Variants in NLGN1 observed in about 807,000 individuals in gnomAD.
NLGN1 encodes the protein neuroligin-1.
NLGN1 carries 12 observed loss-of-function variants against 65.5 expected under a neutral mutation model. The observed-to-expected ratio is 0.18, with a 90% CI of 0.12 to 0.30. NLGN1 has a LOEUF of 0.30. NLGN1 is among the 10% of genes least tolerant of loss of function. The pLI, the probability that NLGN1 is intolerant of heterozygous loss-of-function variation, is 1.00. For synonymous variants in NLGN1, 350 were observed against 359.5 expected, an observed-to-expected ratio of 0.97 and a Z score of 0.30; for missense variants, 750 against 1,007.1, an observed-to-expected ratio of 0.74 and a Z score of 3.46.
chr3:173,745,715 T>C (rs1448939603), intron 3 of NLGN1, among the ~76,000 whole-genome samples: 1 of 152,018 alleles, frequency 6.6e-6, no homozygotes, highest in African/African-American at 2.4e-5. Context: ...TCAGGCTAGG[T>C]GTTTGGATGC....
chr3:173,806,094 G>T (rs1284217342), intron 3 of NLGN1, among the ~76,000 whole-genome samples: 1 of 152,062 alleles, frequency 6.6e-6, no homozygotes, highest in African/African-American at 2.4e-5. Context: ...AATTAGAGGG[G>T]TACTAGTAAC....
At chr3:174,009,179 A>T (rs1725025804) in intron 4 of NLGN1, among the ~76,000 whole-genome samples, 1 of 152,198 alleles carries the variant, frequency 6.6e-6, no homozygotes, top group Non-Finnish European at 1.5e-5. Context: ...AGCTCTCTTA[A>T]GATTCTTATG....
chr3:173,493,507 A>G (rs1729514699), intron 2 of NLGN1, among the ~76,000 whole-genome samples: 2 of 151,914 alleles, frequency 1.3e-5, no homozygotes, highest in Non-Finnish European at 2.9e-5. Flanking sequence ...GTTAGTTAAT[A>G]TATGTATTTA....
chr3:173,726,624 C>T (rs770817914), intron 3 of NLGN1, among the ~76,000 whole-genome samples: 1 of 152,076 alleles, frequency 6.6e-6, no homozygotes, highest in Non-Finnish European at 1.5e-5. Context: ...TTCTCTAAAC[C>T]TTGTCAACAG....
chr3:174,204,936 G>A (rs1322627785), intron 4 of NLGN1, among the ~76,000 whole-genome samples: 1 of 151,964 alleles, frequency 6.6e-6, no homozygotes, highest in African/African-American at 2.4e-5. Flanking sequence ...TATTAAAGAA[G>A]GATTTAAATG....
intron 4 of NLGN1, among the ~76,000 whole-genome samples, chr3:174,040,755 T>C (rs965725088): frequency 3.7e-4 from 56 of 152,110 alleles, no homozygotes; most frequent in Admixed American, 1.2e-3. Context: ...ATAAAAATTC[T>C]CAAACATTAA....
chr3:173,861,232 A>T (rs997399752), intron 4 of NLGN1, among the ~76,000 whole-genome samples: 1 of 152,126 alleles, frequency 6.6e-6, no homozygotes, highest in African/African-American at 2.4e-5. Context: ...AAAATAGATG[A>T]GAGTTTGAAA....
chr3:173,976,406 G>T (rs7619186), intron 4 of NLGN1, among the ~76,000 whole-genome samples: 3,039 of 152,036 alleles, frequency 0.02, 96 homozygotes, highest in African/African-American at 0.069. Context: ...AAAACTCATT[G>T]GGAGTAACAG....
chr3:173,619,314 T>C (rs1232400375), intron 3 of NLGN1, among the ~76,000 whole-genome samples: 1 of 152,178 alleles, frequency 6.6e-6, no homozygotes, highest in East Asian at 1.9e-4. Context: ...TGTTGTAACT[T>C]TGGGAAATAA....
intron 3 of NLGN1, among the ~76,000 whole-genome samples, chr3:173,722,980 T>G (rs1166595537): frequency 6.6e-6 from 1 of 152,164 alleles, no homozygotes; most frequent in African/African-American, 2.4e-5. Context: ...AAGATCTCCT[T>G]GATAAAATGA....
intron 4 of NLGN1, among the ~76,000 whole-genome samples, chr3:173,926,452 G>A (rs1743022746): frequency 6.6e-6 from 1 of 152,114 alleles, no homozygotes; most frequent in African/African-American, 2.4e-5. Flanking sequence ...TAAGTGGTTT[G>A]CTGAGTCCCA....
At position 174,051,254 on chromosome 3, in the gene NLGN1, T is replaced by C. The variant is rs368791155; in HGVS notation, c.647-224061T>C. On this transcript the variant is annotated intron_variant, in intron 4 of 6. Transcript: ENST00000457714. ...AATTCCAGGGTGCCACCCACCGTAT[T>C]ATGATGTTGATTTGTGAAGAGACTC... Among the ~76,000 whole-genome samples, 5 of 152,064 alleles carry C rather than the reference T, an allele frequency of 3.3e-5. No homozygotes were observed. The East Asian group carries it at 5.8e-4, about 18-fold the overall frequency.
At chr3:173,539,794 A>ATAACAATATATATG (rs1406938953) in intron 2 of NLGN1, among the ~76,000 whole-genome samples, 1 of 98,636 alleles carries the variant, frequency 1.0e-5, no homozygotes, top group Non-Finnish European at 2.0e-5. Context: ...ATGTACATAT[A>ATAACAATATATATG]TACATATATA....
chr3:174,154,852 G>T (rs1344504984), intron 4 of NLGN1, among the ~76,000 whole-genome samples: 2 of 107,890 alleles, frequency 1.9e-5, no homozygotes, highest in East Asian at 3.7e-4. Context: ...TAGATATATT[G>T]TAGATAGATA....
intron 3 of NLGN1, among the ~76,000 whole-genome samples, chr3:173,702,168 G>C (rs1001974825): frequency 1.2e-4 from 18 of 149,496 alleles, no homozygotes; most frequent in African/African-American, 4.4e-4. Context: ...GAACCCGGGA[G>C]GCGGAGCTTG....
At chr3:174,047,523 T>C (rs751195647) in intron 4 of NLGN1, among the ~76,000 whole-genome samples, 1 of 152,002 alleles carries the variant, frequency 6.6e-6, no homozygotes, top group Non-Finnish European at 1.5e-5. Context: ...TGAAAAAATA[T>C]TTTGAGACAA....
At chr3:173,614,712 C>G (rs956334457) in intron 3 of NLGN1, among the ~76,000 whole-genome samples, 1 of 151,982 alleles carries the variant, frequency 6.6e-6, no homozygotes, top group Non-Finnish European at 1.5e-5. Flanking sequence ...AAGCAAACAC[C>G]CACACTCCCA....
chr3:174,172,439 C>A (rs1453001824), intron 4 of NLGN1, among the ~76,000 whole-genome samples: 4 of 151,798 alleles, frequency 2.6e-5, no homozygotes, highest in Non-Finnish European at 5.9e-5. Flanking sequence ...CCCTCCACTT[C>A]ATATTTTAAG....
chr3:173,486,980 G>T (rs1464175263), intron 2 of NLGN1, among the ~76,000 whole-genome samples: 1 of 149,746 alleles, frequency 6.7e-6, no homozygotes, highest in Admixed American at 6.7e-5. Context: ...TTCAACTTTT[G>T]CCTGTTATCA....
Sources: gnomAD v4.1 joint callset for allele counts (sites outside exome capture counted in the v4.1 genomes callset) on GRCh38, gnomAD v4.1.1 for gene constraint, MANE v1.5 for transcripts, NCBI Gene and HGNC (gene_info 2026-07-23, HGNC 2026-07-21) for gene names.